DPP6: variants seen among roughly 807,000 people sequenced by gnomAD.
DPP6 encodes the protein A-type potassium channel modulatory protein DPP6.
DPP6 carries 69 observed loss-of-function variants against 122.6 expected under a neutral mutation model. The ratio of observed to expected loss-of-function variants is 0.56; its 90% CI spans 0.46 to 0.69. DPP6 has a LOEUF of 0.69. DPP6 is among the 30% of genes least tolerant of loss of function. The probability of loss-of-function intolerance (pLI) is 0.00; values close to 1 mark genes in which losing one functional copy is unlikely to be tolerated. For synonymous variants in DPP6, 418 were observed against 433.1 expected, an observed-to-expected ratio of 0.97 and a Z score of 0.43; for missense variants, 928 against 1,116.9, an observed-to-expected ratio of 0.83 and a Z score of 2.41.
intron 1 of DPP6, among the ~76,000 whole-genome samples, chr7:154,229,565 G>T (rs1454495385): frequency 3.9e-5 from 6 of 152,176 alleles, no homozygotes; most frequent in Non-Finnish European, 8.8e-5. Context: ...GATGTGGATG[G>T]ATTACCACTG....
chr7:153,786,740 G>GAAA, the DPP6 span, among the ~76,000 whole-genome samples: 414 of 31,764 alleles, frequency 0.013, 18 homozygotes, highest in Middle Eastern at 0.031. Flanking sequence ...CTCCGTCTCA[G>GAAA]AAAAAAAAAA....
At chr7:154,078,193 G>A (rs1351715919) in intron 1 of DPP6, among the ~76,000 whole-genome samples, 1 of 152,080 alleles carries the variant, frequency 6.6e-6, no homozygotes, top group Non-Finnish European at 1.5e-5. Context: ...GTGTGCTGAA[G>A]GTAGTTGTGT....
At chr7:154,375,375 G>T (rs1813044517) in intron 1 of DPP6, among the ~76,000 whole-genome samples, 1 of 152,134 alleles carries the variant, frequency 6.6e-6, no homozygotes, top group African/African-American at 2.4e-5. Context: ...GCAGGACCCG[G>T]AAAGGCACCA....
the DPP6 span, among the ~76,000 whole-genome samples, chr7:153,868,319 C>G: frequency 6.6e-6 from 1 of 152,098 alleles, no homozygotes; most frequent in Non-Finnish European, 1.5e-5. Context: ...ATTATTGCCT[C>G]AATTTCAGAG....
intron 1 of DPP6, among the ~76,000 whole-genome samples, chr7:153,997,026 T>C (rs1027394794): frequency 6.6e-6 from 1 of 151,964 alleles, no homozygotes; most frequent in South Asian, 2.1e-4. Flanking sequence ...GGAAAATCTT[T>C]ATGCCTCTCT....
At chr7:154,366,647 G>A (rs755167374) in intron 1 of DPP6, among the ~76,000 whole-genome samples, 18 of 152,202 alleles carry the variant, frequency 1.2e-4, no homozygotes, top group African/African-American at 4.3e-4. Context: ...GGTAGGCACC[G>A]CTGCTTAGGT....
At chr7:154,066,133 C>T (rs1048626137) in intron 1 of DPP6, among the ~76,000 whole-genome samples, 2 of 150,214 alleles carry the variant, frequency 1.3e-5, no homozygotes, top group Non-Finnish European at 3.0e-5. Context: ...AAACTCAGCT[C>T]ACTGTAACCT....
intron 10 of DPP6, among the ~76,000 whole-genome samples, chr7:154,776,937 C>T (rs138888328): frequency 1.3e-5 from 2 of 152,196 alleles, no homozygotes; most frequent in Admixed American, 6.5e-5. Flanking sequence ...GGCTAGCTCA[C>T]GAACCAAGAG....
chr7:154,269,363 C>G (rs1376748409), intron 1 of DPP6, among the ~76,000 whole-genome samples: 1 of 152,070 alleles, frequency 6.6e-6, no homozygotes, highest in Admixed American at 6.6e-5. Flanking sequence ...AGAGTTCTTG[C>G]AATAGTTGAA....
chr7:154,308,081 C>T (rs112188036), intron 1 of DPP6, among the ~76,000 whole-genome samples: 11 of 151,950 alleles, frequency 7.2e-5, no homozygotes, highest in Admixed American at 1.3e-4. Context: ...ATGCCATCTC[C>T]GACATCCTTC....
chr7:154,664,728 C>G (rs1254642808), intron 6 of DPP6, among the ~76,000 whole-genome samples: 23 of 148,214 alleles, frequency 1.6e-4, no homozygotes, highest in Admixed American at 1.4e-3. Context: ...ACTTTTCATT[C>G]CTATTTAGGA....
the DPP6 span, among the ~76,000 whole-genome samples, chr7:153,830,504 T>G: frequency 1.6e-4 from 25 of 152,326 alleles, no homozygotes; most frequent in African/African-American, 5.5e-4. Context: ...CCAAGAGCAA[T>G]TTGACCTATG....
In DPP6 at chr7:154,506,681, A is replaced by G. The variant is rs138366650; in HGVS notation, c.457+31644A>G. Among the ~76,000 whole-genome samples, 286 of 152,286 alleles carry G rather than the reference A, an allele frequency of 1.9e-3. 1 individual carries two copies. The highest frequency in any genetic ancestry group is 6.7e-3 in the African/African-American group (277 of 41,568). ...TCATGGATATAATGCTAAAGGCGTA[A>G]AAAGATGATGACCCATATTATCTGA... On this transcript the variant is annotated intron_variant, in intron 3 of 25. Coordinates refer to ENST00000377770, the MANE Select transcript of DPP6 (RefSeq NM_130797.4).
rs113590143 is a variant in DPP6, at chr7:154,774,426, A to T, written c.1136+1484A>T. 2.9e-3 allele frequency among the ~76,000 whole-genome samples: 440 copies of T among 152,230 alleles called. 1 individual carries two copies. Among genetic ancestry groups the T allele is most frequent in the Middle Eastern group, 6.8e-3 (2 of 294 alleles). The stretch of plus-strand genomic sequence containing the variant: ...ATTAATATGGAAAGTCACCTGGAAA[A>T]TTTCAGCCATCTGTTTGAGTTAATT... On this transcript the variant is annotated intron_variant, in intron 10 of 25. Transcript: ENST00000377770.
At chr7:153,959,928 ATTT>A (rs11325507) in intron 1 of DPP6, among the ~76,000 whole-genome samples, 21,920 of 151,624 alleles carry the variant, frequency 0.14, 1,669 homozygotes, top group Non-Finnish European at 0.17. Flanking sequence ...ATCATTTCTA[ATTT>A]TTTTTTTTAT....
intron 1 of DPP6, among the ~76,000 whole-genome samples, chr7:154,151,259 A>G (rs73729285): frequency 0.023 from 3,548 of 152,050 alleles, 113 homozygotes; most frequent in African/African-American, 0.08. Context: ...GGCCTCTCCC[A>G]TCCATCCAGG....
rs1554449971 is a variant in DPP6 at position 154,063,117 on chromosome 7, G to GAT, written c.243+10054_243+10055insAT. Among the ~76,000 whole-genome samples, 2 of 112,316 alleles carry GAT rather than the reference G, an allele frequency of 1.8e-5. 1 individual carries two copies. Among genetic ancestry groups the GAT allele is most frequent in the African/African-American group, 6.5e-5 (2 of 30,948 alleles). 73.7% of individuals were successfully genotyped at this position (112,316 alleles called of 152,430 possible). A position where few individuals can be genotyped will look rare whatever the true frequency, so the allele number is the denominator to read the frequency against. ...CTGGCTGTTAGTACCCCCATCGCAGGGGGGGAGGCACCCCCCACGAGAGTG... is the reference window on the plus strand; with the variant it reads ...CTGGCTGTTAGTACCCCCATCGCAGGATGGGGGAGGCACCCCCCACGAGAGTG... On this transcript the variant is annotated intron_variant, in intron 1 of 25. Coordinates refer to ENST00000377770, the MANE Select transcript of DPP6 (RefSeq NM_130797.4).
intron 3 of DPP6, among the ~76,000 whole-genome samples, chr7:154,512,242 C>T (rs529040876): frequency 1.1e-4 from 17 of 152,210 alleles, no homozygotes; most frequent in South Asian, 4.1e-4. Flanking sequence ...AGCATAATGA[C>T]GTATATAATG....
the DPP6 span, among the ~76,000 whole-genome samples, chr7:153,792,736 T>C: frequency 1.3e-5 from 2 of 150,960 alleles, no homozygotes; most frequent in South Asian, 2.1e-4. Flanking sequence ...AGCACTGATA[T>C]TGTCTGGCTG....
Sources: gnomAD v4.1 joint callset for allele counts (sites outside exome capture counted in the v4.1 genomes callset) on GRCh38, gnomAD v4.1.1 for gene constraint, MANE v1.5 for transcripts, NCBI Gene and HGNC (gene_info 2026-07-23, HGNC 2026-07-21) for gene names.